XIRP2: variants seen among roughly 807,000 people sequenced by gnomAD.
The protein encoded by XIRP2 is xin actin binding repeat containing 2, also known as xin actin-binding repeat-containing protein 2.
A neutral mutation model predicts 277.0 loss-of-function variants in XIRP2; 236 were observed. The observed-to-expected ratio is 0.85, with a 90% CI of 0.77 to 0.95. The LOEUF is 0.95. Ranked by LOEUF, XIRP2 falls within the 40% of genes least tolerant of loss-of-function variation. XIRP2 has a pLI of 0.00. For synonymous variants in XIRP2, 1,490 were observed against 1,416.5 expected (o/e 1.05, Z -1.17); for missense variants, 4,640 against 4,157.5 (o/e 1.12, Z -3.19).
chr2:167,227,776 T>C (rs1487186720), intron 5 of XIRP2, among the ~76,000 whole-genome samples: 1 of 152,062 alleles, frequency 6.6e-6, no homozygotes, highest in Non-Finnish European at 1.5e-5. Context: ...TGTTAAAACA[T>C]TAAAAGTAAA....
At chr2:167,058,170 C>T (rs1689086880) in intron 2 of XIRP2, among the ~76,000 whole-genome samples, 1 of 151,872 alleles carries the variant, frequency 6.6e-6, no homozygotes, top group African/African-American at 2.4e-5. Context: ...TCAAGTGATC[C>T]TCCCATCTCT....
chr2:167,148,442 AG>A (rs1272778155), intron 3 of XIRP2, among the ~76,000 whole-genome samples: 5 of 146,084 alleles, frequency 3.4e-5, no homozygotes, highest in African/African-American at 1.2e-4. Context: ...AAAAAGAAAA[AG>A]AAAAAAGAAA....
At position 167,246,955 on chromosome 2, in the gene XIRP2, A is replaced by G. The variant is rs777543649; in HGVS notation, c.5563A>G (p.Lys1855Glu). 23 of 1,613,592 alleles carry G rather than the reference A, an allele frequency of 1.4e-5. No homozygotes were observed. Among genetic ancestry groups the G allele is most frequent in the Admixed American group, 5.0e-5 (3 of 59,988 alleles). The change falls in exon 9 of 11, where the codon AAA (lysine) becomes GAA (glutamate). Residue 1855 changes from lysine (K) to glutamate (E), a missense_variant. Lys to Glu is a moderately conservative substitution (Grantham distance 56). Transcript: ENST00000409195. ...LNSLSQAVNQ[K>E]TVTKTEEIIK... ...TTCCCTCAGCCAGGCTGTAAATCAGAAAACAGTGACGAAAACAGAAGAAAT... is the reference window on the plus strand; with the variant it reads ...TTCCCTCAGCCAGGCTGTAAATCAGGAAACAGTGACGAAAACAGAAGAAAT...
intron 2 of XIRP2, among the ~76,000 whole-genome samples, chr2:166,964,706 G>C (rs892951474): frequency 2.6e-4 from 40 of 151,828 alleles, no homozygotes; most frequent in Admixed American, 8.5e-4. Context: ...TGTTGTATTT[G>C]TATATAAATT....
intron 3 of XIRP2, among the ~76,000 whole-genome samples, chr2:167,170,279 C>T (rs1573930905): frequency 6.6e-6 from 1 of 151,844 alleles, no homozygotes; most frequent in East Asian, 1.9e-4. Context: ...TTTTAATTCC[C>T]TTGCCTGATG....
At chr2:167,051,096 A>G (rs1688901747) in intron 2 of XIRP2, among the ~76,000 whole-genome samples, 1 of 151,928 alleles carries the variant, frequency 6.6e-6, no homozygotes, top group South Asian at 2.1e-4. Flanking sequence ...CATACTGTTC[A>G]TTTCCCTTCA....
chr2:167,097,585 A>G (rs1374806467), intron 2 of XIRP2, among the ~76,000 whole-genome samples: 2 of 152,168 alleles, frequency 1.3e-5, no homozygotes, highest in African/African-American at 2.4e-5. Context: ...TGTGAATTTA[A>G]TCCTGTCATT....
chr2:167,253,888 C>A (rs1313080171), intron 9 of XIRP2, 144 bp from the exon 10 acceptor site: 2 of 882,776 alleles, frequency 2.3e-6, no homozygotes, highest in African/African-American at 1.7e-5. Context: ...TAGTCTCTGT[C>A]CAGAGAAACA....
chr2:167,086,399 G>A (rs1302003039), intron 2 of XIRP2, among the ~76,000 whole-genome samples: 3 of 151,976 alleles, frequency 2.0e-5, no homozygotes, highest in Middle Eastern at 3.2e-3. Flanking sequence ...TTCGACTTTG[G>A]TGAATCTGAC....
At chr2:167,135,781 C>A in intron 2 of XIRP2, 128 bp from the exon 3 acceptor site, 1 of 831,562 alleles carries the variant, frequency 1.2e-6, no homozygotes, top group Non-Finnish European at 1.7e-6. Flanking sequence ...TTACCTGAAG[C>A]ATATTGAAAA....
intron 2 of XIRP2, among the ~76,000 whole-genome samples, chr2:167,089,450 A>G (rs1690076925): frequency 1.3e-5 from 2 of 152,208 alleles, no homozygotes; most frequent in South Asian, 4.1e-4. Flanking sequence ...ATCACACTTC[A>G]GCAGCCAGCA....
rs749626378 is a variant in XIRP2 at position 167,244,488 on chromosome 2, C to T, written c.3096C>T (p.Ser1032=). 1 of 1,613,700 alleles carries T rather than the reference C, an allele frequency of 6.2e-7. No homozygotes were observed. Among genetic ancestry groups the T allele is most frequent in the Non-Finnish European group, 8.5e-7 (1 of 1,179,786 alleles). The change falls in exon 9 of 11, where the codon AGC becomes AGT. Residue 1032 remains serine, a synonymous_variant. Transcript: ENST00000409195. ...ETRPIDQFDE[S]IHKFQIIRGI... is the part of the protein sequence containing the mutation. ...GGCCCATTGACCAGTTTGATGAAAG[C>T]ATTCATAAATTTCAAATAATTAGAG...
At chr2:167,203,003 A>G (rs1009069432) in intron 3 of XIRP2, among the ~76,000 whole-genome samples, 4 of 152,144 alleles carry the variant, frequency 2.6e-5, no homozygotes, top group African/African-American at 9.7e-5. Flanking sequence ...CTCCCATTTC[A>G]GTCATTGCAT....
At chr2:167,018,651 A>C (rs547423758) in intron 2 of XIRP2, among the ~76,000 whole-genome samples, 13 of 152,010 alleles carry the variant, frequency 8.6e-5, no homozygotes, top group Non-Finnish European at 1.8e-4. Context: ...CATTTTTGGC[A>C]TCAGGCTGTG....
intron 10 of XIRP2, among the ~76,000 whole-genome samples, chr2:167,256,913 C>T (rs905255342): frequency 6.6e-6 from 1 of 151,834 alleles, no homozygotes; most frequent in African/African-American, 2.4e-5. Flanking sequence ...TTCTACTCTC[C>T]TATTTTTTCT....
chr2:167,083,699 T>G (rs1689819551), intron 2 of XIRP2, among the ~76,000 whole-genome samples: 1 of 152,232 alleles, frequency 6.6e-6, no homozygotes, highest in African/African-American at 2.4e-5. Flanking sequence ...TTATTCTCTT[T>G]GAAGCAATTG....
intron 3 of XIRP2, among the ~76,000 whole-genome samples, chr2:167,203,499 T>TG (rs1242079783): frequency 1.3e-5 from 2 of 152,134 alleles, no homozygotes; most frequent in Non-Finnish European, 2.9e-5. Flanking sequence ...GTTTGAGAAA[T>TG]GGAATCTGAG....
intron 3 of XIRP2, among the ~76,000 whole-genome samples, chr2:167,192,695 G>C (rs533879438): frequency 8.2e-4 from 125 of 152,164 alleles, no homozygotes; most frequent in Middle Eastern, 6.8e-3. Context: ...CTGCTTCTGC[G>C]GCATCCAGAG....
intron 2 of XIRP2, among the ~76,000 whole-genome samples, chr2:166,908,684 C>G (rs1270401169): frequency 4.6e-5 from 7 of 152,114 alleles, no homozygotes. Flanking sequence ...ACATGAAGTC[C>G]TTGCCCATGC....
Sources: gnomAD v4.1 joint callset for allele counts (sites outside exome capture counted in the v4.1 genomes callset) on GRCh38, gnomAD v4.1.1 for gene constraint, MANE v1.5 for transcripts, NCBI Gene and HGNC (gene_info 2026-07-23, HGNC 2026-07-21) for gene names.